The following NIPA1 variants were observed in gnomAD, a reference collection of about 807,000 sequenced individuals.
The protein encoded by NIPA1 is NIPA magnesium transporter 1.
A neutral mutation model predicts 23.9 loss-of-function variants in NIPA1; 13 were observed. That is an observed-to-expected ratio of 0.54 (90% CI 0.35 to 0.87). The LOEUF (loss-of-function observed/expected upper bound fraction) is 0.87, where lower values mean the gene tolerates loss of function less well. NIPA1 is among the 40% of genes least tolerant of loss of function. NIPA1 has a pLI of 0.01. For missense variants in NIPA1, 362 were observed against 429.7 expected (o/e 0.84, Z 1.39); for synonymous variants, 234 against 202.9 (o/e 1.15, Z -1.30).
intron 1 of NIPA1, among the ~76,000 whole-genome samples, chr15:22,802,253 G>A (rs914844453): frequency 2.0e-5 from 3 of 151,904 alleles, no homozygotes; most frequent in Admixed American, 6.6e-5. Context: ...TTAGCCAGGC[G>A]TGGTGGCACA....
At chr15:22,822,769 G>T (rs145965590) in intron 4 of NIPA1, among the ~76,000 whole-genome samples, 25 of 152,060 alleles carry the variant, frequency 1.6e-4, no homozygotes, top group Middle Eastern at 6.8e-3. Flanking sequence ...GGAGGTTGCA[G>T]TGAGCAGAGA....
At position 22,793,551 on chromosome 15, in the gene NIPA1, C is replaced by T. The variant is rs1030668211; in HGVS notation, c.178+6717C>T. On this transcript the variant is annotated intron_variant, in intron 1 of 4. Coordinates refer to ENST00000337435, the MANE Select transcript of NIPA1 (RefSeq NM_144599.5). Reference sequence around the variant, plus strand: ...CACCTGCCAGGTTCAAGGGATCCTCCTGCCTCAGCCTCCCGAGTAGCTGGG... The same window carrying T: ...CACCTGCCAGGTTCAAGGGATCCTCTTGCCTCAGCCTCCCGAGTAGCTGGG... Among the ~76,000 whole-genome samples the T allele has an allele frequency of 5.3e-5, 8 of 151,896 alleles. No homozygotes were observed. In the South Asian group the frequency reaches 1.3e-3, roughly 24 times the overall value.
chr15:22,790,377 C>T (rs905530090), intron 1 of NIPA1, among the ~76,000 whole-genome samples: 1 of 150,236 alleles, frequency 6.7e-6, no homozygotes, highest in Non-Finnish European at 1.5e-5. Flanking sequence ...TCACCAGTCT[C>T]GATCTCCTGA....
chr15:22,810,772 G>A lies in NIPA1; in HGVS notation c.202G>A (p.Val68Met), dbSNP rs962892510. ...RRGTSYLTDI[V>M]WWAGTIAMAV... The stretch of plus-strand genomic sequence containing the variant: ...AGGTACTTCCTATTTAACAGACATT[G>A]TGTGGTGGGCTGGCACAATCGCAAG... The change falls in exon 2 of 5, where the codon GTG becomes ATG. Residue 68 changes from valine to methionine, a missense_variant. Physicochemically the swap from Val to Met is conservative, Grantham distance 21 (BLOSUM62 1). Around this residue, in one of 2 missense-constraint regions of NIPA1, gnomAD observed 277 missense variants for 372.0 expected, o/e 0.74. Coordinates refer to ENST00000337435, the MANE Select transcript of NIPA1 (RefSeq NM_144599.5). The A allele has an allele frequency of 1.2e-6, 2 of 1,610,970 alleles. No homozygotes were observed. The highest frequency in any genetic ancestry group is 1.7e-6 in the Non-Finnish European group (2 of 1,177,126).
intron 1 of NIPA1, among the ~76,000 whole-genome samples, chr15:22,796,231 G>A (rs1397926010): frequency 6.6e-6 from 1 of 151,778 alleles, no homozygotes; most frequent in East Asian, 1.9e-4. Flanking sequence ...CCCAGATAAG[G>A]CTTTTCTAGG....
At chr15:22,786,860 G>A in intron 1 of NIPA1, 26 bp downstream of exon 1, 2 of 1,090,530 alleles carry the variant, frequency 1.8e-6, no homozygotes, top group African/African-American at 1.7e-5. Flanking sequence ...GGCGGCAGGC[G>A]GCGGGCGGGT....
intron 1 of NIPA1, among the ~76,000 whole-genome samples, chr15:22,799,660 T>C (rs1308325938): frequency 2.0e-5 from 3 of 151,512 alleles, no homozygotes; most frequent in Non-Finnish European, 4.4e-5. Context: ...CAGGCGCCTG[T>C]AGTCCCAGCT....
intron 1 of NIPA1, among the ~76,000 whole-genome samples, chr15:22,805,247 A>G (rs1566782018): frequency 6.6e-6 from 1 of 152,228 alleles, no homozygotes; most frequent in Admixed American, 6.5e-5. Flanking sequence ...CTAATAACCA[A>G]CAGGCAAAAG....
At chr15:22,817,117 G>T (rs1022079223) in intron 3 of NIPA1, among the ~76,000 whole-genome samples, 2 of 146,984 alleles carry the variant, frequency 1.4e-5, no homozygotes, top group African/African-American at 5.1e-5. Context: ...AACCCAGGAG[G>T]TAGAGGTTAC....
At chr15:22,822,246 A>G (rs935233763) in intron 4 of NIPA1, among the ~76,000 whole-genome samples, 1 of 152,216 alleles carries the variant, frequency 6.6e-6, no homozygotes, top group Non-Finnish European at 1.5e-5. Context: ...ACTTTGTTTC[A>G]TACATAAAAT....
chr15:22,819,430 A>G (rs908268310), intron 3 of NIPA1: 1 of 152,168 alleles, frequency 6.6e-6, no homozygotes, highest in African/African-American at 2.4e-5. Flanking sequence ...AGGTGTTCCA[A>G]TTCAGATTGT....
intron 2 of NIPA1, 101 bp downstream of exon 2, chr15:22,810,897 T>C: frequency 9.9e-6 from 9 of 912,320 alleles, no homozygotes; most frequent in Non-Finnish European, 1.3e-5. Context: ...CTCTGTTCTT[T>C]GGAAGAGGGT....
At chr15:22,811,608 G>GA in intron 2 of NIPA1, among the ~76,000 whole-genome samples, 1 of 151,798 alleles carries the variant, frequency 6.6e-6, no homozygotes, top group Middle Eastern at 3.4e-3. Flanking sequence ...TGTCTCAAAA[G>GA]AAAAAAAAGA....
intron 1 of NIPA1, among the ~76,000 whole-genome samples, chr15:22,790,325 T>C (rs1278502304): frequency 1.3e-5 from 2 of 152,046 alleles, no homozygotes; most frequent in Non-Finnish European, 2.9e-5. Context: ...TGATGAAGCT[T>C]TTTTTGTTTT....
In NIPA1 at chr15:22,815,162, A is replaced by G. The variant is rs571118803; in HGVS notation, c.317+2909A>G. Among the ~76,000 whole-genome samples the G allele has an allele frequency of 2.6e-5, 4 of 152,282 alleles. No individual in the cohort carries two copies. The South Asian group carries it at 8.3e-4, about 32-fold the overall frequency. The stretch of plus-strand genomic sequence containing the variant: ...ATGATTCTTTACCCCTGAACACATC[A>G]ATTAGTATTTTCTAAGAGTAGAGAT... On this transcript the variant is annotated intron_variant, in intron 3 of 4. Coordinates refer to ENST00000337435, the MANE Select transcript of NIPA1 (RefSeq NM_144599.5).
intron 1 of NIPA1, among the ~76,000 whole-genome samples, chr15:22,803,157 A>G (rs748554711): frequency 6.6e-6 from 1 of 151,690 alleles, no homozygotes; most frequent in Admixed American, 6.6e-5. Context: ...GGATTTCACT[A>G]TGTTGGCCAG....
In NIPA1 at chr15:22,820,435, C is replaced by A; in HGVS notation, c.440C>A (p.Thr147Lys). The A allele has an allele frequency of 1.9e-6, 3 of 1,612,940 alleles. No individual in the cohort carries two copies. Among genetic ancestry groups the A allele is most frequent in the Non-Finnish European group, 2.5e-6 (3 of 1,178,930 alleles). The change falls in exon 4 of 5, where the codon ACA becomes AAA. Residue 147 changes from threonine to lysine, a missense_variant. Transcript: ENST00000337435. Reference sequence around the variant, plus strand: ...CACTCCCCAAAGTCTGAGAGTGTGACAACTCAGGCTGAGCTGGAGGAAAAG... The same window carrying A: ...CACTCCCCAAAGTCTGAGAGTGTGAAAACTCAGGCTGAGCTGGAGGAAAAG... ...IIHSPKSESV[T>K]TQAELEEKLT...
At chr15:22,799,631 A>C (rs1340306077) in intron 1 of NIPA1, among the ~76,000 whole-genome samples, 3 of 151,870 alleles carry the variant, frequency 2.0e-5, no homozygotes, top group Non-Finnish European at 4.4e-5. Context: ...AAATACAAAA[A>C]ATTAGCCAGG....
chr15:22,816,486 C>CTTTTTTTTTT (rs71117480), intron 3 of NIPA1, among the ~76,000 whole-genome samples: 2 of 42,304 alleles, frequency 4.7e-5, no homozygotes, highest in African/African-American at 1.1e-4. Flanking sequence ...CGCACCCAGC[C>CTTTTTTTTTT]TTTTTTTTTT....
Sources: allele counts gnomAD v4.1 joint callset (sites outside exome capture counted in the v4.1 genomes callset), GRCh38; gene constraint gnomAD v4.1.1; regional missense constraint gnomAD v4.1.1; transcripts MANE v1.5; gene names NCBI Gene and HGNC (gene_info 2026-07-23, HGNC 2026-07-21).